The following PDE7B variants were observed in gnomAD, a reference collection of about 807,000 sequenced individuals.
The protein encoded by PDE7B is 3',5'-cyclic-AMP phosphodiesterase 7B.
PDE7B carries 29 observed loss-of-function variants against 56.2 expected under a neutral mutation model. The ratio of observed to expected loss-of-function variants is 0.52; its 90% CI spans 0.38 to 0.70. The LOEUF (loss-of-function observed/expected upper bound fraction) is 0.70. Ranked by LOEUF, PDE7B falls within the 30% of genes least tolerant of loss-of-function variation. PDE7B has a pLI of 0.00. For synonymous variants in PDE7B, 197 were observed against 196.9 expected, an observed-to-expected ratio of 1.00 and a Z score of 0.00; for missense variants, 490 against 565.0, an observed-to-expected ratio of 0.87 and a Z score of 1.35.
chr6:136,090,936 C>T (rs776420834), intron 2 of PDE7B, among the ~76,000 whole-genome samples: 1 of 152,180 alleles, frequency 6.6e-6, no homozygotes, highest in Non-Finnish European at 1.5e-5. Flanking sequence ...CAGAGCCTCC[C>T]CTAACACACC....
intron 2 of PDE7B, among the ~76,000 whole-genome samples, chr6:136,004,246 A>G (rs1273799759): frequency 1.3e-5 from 2 of 152,238 alleles, no homozygotes; most frequent in Non-Finnish European, 2.9e-5. Context: ...AGCTAATATC[A>G]TACTGAATGG....
chr6:135,887,399 G>T (rs533711150), intron 1 of PDE7B, among the ~76,000 whole-genome samples: 1 of 152,102 alleles, frequency 6.6e-6, no homozygotes, highest in African/African-American at 2.4e-5. Context: ...CAGATTAACT[G>T]TACAGACTTA....
intron 1 of PDE7B, among the ~76,000 whole-genome samples, chr6:135,870,354 C>G (rs913205854): frequency 6.6e-6 from 1 of 151,970 alleles, no homozygotes. Flanking sequence ...GGTCAAATAG[C>G]CTCTTCTCAG....
chr6:135,978,733 C>T (rs2128203952), intron 2 of PDE7B, among the ~76,000 whole-genome samples: 1 of 151,818 alleles, frequency 6.6e-6, no homozygotes, highest in Non-Finnish European at 1.5e-5. Flanking sequence ...ATTTTGTATC[C>T]TGAGACTTTG....
chr6:136,188,795 G>A (rs1252450482), intron 12 of PDE7B, among the ~76,000 whole-genome samples: 1 of 152,132 alleles, frequency 6.6e-6, no homozygotes, highest in Non-Finnish European at 1.5e-5. Context: ...GGGGTTGAGT[G>A]AATAGGGAAA....
At chr6:135,969,486 G>T (rs978219795) in intron 2 of PDE7B, among the ~76,000 whole-genome samples, 3 of 152,022 alleles carry the variant, frequency 2.0e-5, no homozygotes, top group Admixed American at 6.6e-5. Flanking sequence ...AGAGCAAAAG[G>T]TCTCATAGAT....
chr6:135,907,059 T>C (rs1049130998), intron 1 of PDE7B, among the ~76,000 whole-genome samples: 4 of 150,292 alleles, frequency 2.7e-5, no homozygotes, highest in Non-Finnish European at 5.9e-5. Flanking sequence ...TGAATGCTGG[T>C]CCTTGGTGAA....
chr6:136,151,098 G>T, intron 5 of PDE7B, 62 bp from the exon 6 acceptor site: 2 of 852,618 alleles, frequency 2.3e-6, no homozygotes, highest in Non-Finnish European at 4.0e-6. Flanking sequence ...AGGTCTTATT[G>T]TCAATCTTGA....
chr6:136,176,983 ATTT>A (rs950327056), intron 9 of PDE7B, among the ~76,000 whole-genome samples: 13 of 151,996 alleles, frequency 8.6e-5, no homozygotes, highest in Non-Finnish European at 5.9e-5. Flanking sequence ...GTTTTATATA[ATTT>A]TTTATGTTCA....
intron 2 of PDE7B, among the ~76,000 whole-genome samples, chr6:135,969,106 G>C (rs577789483): frequency 3.9e-5 from 6 of 152,032 alleles, no homozygotes; most frequent in Non-Finnish European, 8.8e-5. Context: ...TGGACACATC[G>C]AGGGGAACAA....
intron 3 of PDE7B, among the ~76,000 whole-genome samples, chr6:136,135,235 T>G (rs1398371223): frequency 6.6e-6 from 1 of 152,152 alleles, no homozygotes; most frequent in East Asian, 1.9e-4. Context: ...TTTTCCAACT[T>G]CAAATTAAAT....
intron 2 of PDE7B, among the ~76,000 whole-genome samples, chr6:135,971,608 A>G (rs1447553023): frequency 6.6e-6 from 1 of 152,202 alleles, no homozygotes; most frequent in Non-Finnish European, 1.5e-5. Context: ...AAGTAGTGAC[A>G]TTACTGAATT....
chr6:135,976,483 G>A (rs779728298), intron 2 of PDE7B, among the ~76,000 whole-genome samples: 1 of 152,120 alleles, frequency 6.6e-6, no homozygotes, highest in Non-Finnish European at 1.5e-5. Context: ...GGGCAGAGCG[G>A]GAGTAAGTAA....
intron 9 of PDE7B, 58 bp from the exon 10 acceptor site, chr6:136,178,939 C>A: frequency 3.2e-6 from 5 of 1,568,088 alleles, no homozygotes; most frequent in Non-Finnish European, 3.5e-6. Context: ...AAATCAATCA[C>A]CCTCATCAAA....
At chr6:136,071,688 G>A (rs1177425248) in intron 2 of PDE7B, among the ~76,000 whole-genome samples, 1 of 152,122 alleles carries the variant, frequency 6.6e-6, no homozygotes, top group Admixed American at 6.5e-5. Context: ...AGCTACTAGG[G>A]AGGCTAAGGT....
intron 3 of PDE7B, among the ~76,000 whole-genome samples, chr6:136,132,566 C>A (rs1562500912): frequency 6.6e-6 from 1 of 152,084 alleles, no homozygotes; most frequent in Non-Finnish European, 1.5e-5. Context: ...TTCACAATAC[C>A]TACTTTTATG....
chr6:136,179,584 C>A (rs894508986), intron 10 of PDE7B, among the ~76,000 whole-genome samples: 1 of 152,150 alleles, frequency 6.6e-6, no homozygotes, highest in African/African-American at 2.4e-5. Context: ...AGTAATCCCG[C>A]TGGATGCAGT....
intron 8 of PDE7B, among the ~76,000 whole-genome samples, chr6:136,172,809 G>T (rs1365403169): frequency 6.6e-6 from 1 of 152,020 alleles, no homozygotes; most frequent in Non-Finnish European, 1.5e-5. Context: ...ATTAATTTTT[G>T]TATAAGGTGT....
At chr6:135,937,971 G>A (rs1442188024) in intron 1 of PDE7B, among the ~76,000 whole-genome samples, 2 of 152,198 alleles carry the variant, frequency 1.3e-5, no homozygotes, top group Non-Finnish European at 2.9e-5. Context: ...CCCCATTATG[G>A]TTTTAGGGTA....
Sources: gnomAD v4.1 joint callset for allele counts (sites outside exome capture counted in the v4.1 genomes callset) on GRCh38, gnomAD v4.1.1 for gene constraint, MANE v1.5 for transcripts, NCBI Gene and HGNC (gene_info 2026-07-23, HGNC 2026-07-21) for gene names.